Variants in CERS6 observed in about 807,000 individuals in gnomAD.
The protein encoded by CERS6 is LAG1 homolog, ceramide synthase 6.
A neutral mutation model predicts 56.8 loss-of-function variants in CERS6; 26 were observed. The ratio of observed to expected loss-of-function variants is 0.46; its 90% CI spans 0.34 to 0.63. The LOEUF is 0.63. Ranked by LOEUF, CERS6 falls within the 30% of genes least tolerant of loss-of-function variation. The probability of loss-of-function intolerance (pLI) is 0.01; values close to 1 mark genes in which losing one functional copy is unlikely to be tolerated. For missense variants in CERS6, 415 were observed against 467.5 expected, an observed-to-expected ratio of 0.89 and a Z score of 1.04; for synonymous variants, 164 against 173.3, an observed-to-expected ratio of 0.95 and a Z score of 0.42.
chr2:168,492,068 C>T (rs1013911439), intron 1 of CERS6, among the ~76,000 whole-genome samples: 7 of 152,046 alleles, frequency 4.6e-5, no homozygotes, highest in South Asian at 2.1e-4. Context: ...TGAACAGTGC[C>T]GCAGTAAACA....
intron 4 of CERS6, among the ~76,000 whole-genome samples, chr2:168,656,714 C>T (rs927892920): frequency 6.6e-6 from 1 of 152,112 alleles, no homozygotes; most frequent in African/African-American, 2.4e-5. Context: ...AGCGAAAGAA[C>T]AAAGCTTCCA....
At chr2:168,527,750 T>C (rs1323226089) in intron 1 of CERS6, among the ~76,000 whole-genome samples, 1 of 152,134 alleles carries the variant, frequency 6.6e-6, no homozygotes, top group Non-Finnish European at 1.5e-5. Flanking sequence ...ATTTAGAGTT[T>C]GGCGCTATTG....
intron 1 of CERS6, among the ~76,000 whole-genome samples, chr2:168,484,170 T>G (rs1483543610): frequency 7.0e-4 from 33 of 47,460 alleles, no homozygotes; most frequent in Non-Finnish European, 8.4e-4. Flanking sequence ...TTTTTCTGTT[T>G]TTTTTTTTTT....
At position 168,715,121 on chromosome 2, in the gene CERS6, C is replaced by T. The variant is rs780260977; in HGVS notation, c.730C>T (p.Leu244Phe). 2 of 1,605,896 alleles carry T rather than the reference C, an allele frequency of 1.2e-6. No individual in the cohort carries two copies. The highest frequency in any genetic ancestry group is 2.2e-5 in the East Asian group (1 of 44,772). Residue 244 changes from leucine (L) to phenylalanine (F), a missense_variant, in exon 7 of 10, where the codon CTT (leucine) becomes TTT (phenylalanine). Coordinates refer to ENST00000305747, the MANE Select transcript of CERS6 (RefSeq NM_203463.3). ...VLCLHDSADA[L>F]LEAAKMANYA... Reference sequence around the variant, plus strand: ...TTGTCTTCATGATTCAGCTGATGCTCTTCTGGAGGTAAAAGTTTTCTTTCA... The same window carrying T: ...TTGTCTTCATGATTCAGCTGATGCTTTTCTGGAGGTAAAAGTTTTCTTTCA...
In CERS6 at chr2:168,715,027, C is replaced by T. The variant is rs1409392806; in HGVS notation, c.636C>T (p.His212=). The change falls in exon 7 of 10, where the codon CAC becomes CAT. Residue 212 remains histidine (H), a synonymous_variant. Coordinates refer to ENST00000305747, the MANE Select transcript of CERS6 (RefSeq NM_203463.3). ...RKDFGIMFLH[H]LVSIFLITFS... is the part of the protein sequence containing the mutation. ...ACTTTGGCATTATGTTCCTGCACCA[C>T]CTTGTATCTATTTTCTTGATTACCT... is the stretch of plus-strand genomic sequence containing the variant. The T allele has an allele frequency of 6.2e-7, 1 of 1,609,890 alleles. No individual in the cohort carries two copies. Among genetic ancestry groups the T allele is most frequent in the East Asian group, 2.2e-5 (1 of 44,600 alleles).
chr2:168,474,846 A>G lies in CERS6; in HGVS notation c.170+18228A>G, dbSNP rs1252469506. Among the ~76,000 whole-genome samples the G allele has an allele frequency of 2.6e-5, 4 of 152,208 alleles. No homozygotes were observed. The South Asian group carries it at 8.3e-4, about 31-fold the overall frequency. On this transcript the variant is annotated intron_variant, in intron 1 of 9. Transcript: ENST00000305747. ...ATTCCTTTACAACAAATAAAAGTCA[A>G]CCATAAGTTACCTTGAACAAGAAAT...
chr2:168,460,986 G>T (rs1337765587), intron 1 of CERS6, among the ~76,000 whole-genome samples: 1 of 152,152 alleles, frequency 6.6e-6, no homozygotes, highest in East Asian at 1.9e-4. Flanking sequence ...GAGAGCGAGA[G>T]AGAGAGAGAG....
chr2:168,463,485 A>G (rs1693812902), intron 1 of CERS6, among the ~76,000 whole-genome samples: 3 of 152,222 alleles, frequency 2.0e-5, no homozygotes, highest in Non-Finnish European at 2.9e-5. Flanking sequence ...TGTTTCCTAG[A>G]GGTGGCATTT....
intron 8 of CERS6, among the ~76,000 whole-genome samples, chr2:168,751,059 G>A (rs186973698): frequency 6.6e-6 from 1 of 152,184 alleles, no homozygotes; most frequent in Non-Finnish European, 1.5e-5. Flanking sequence ...ACATAGCTGT[G>A]GTCACTGAGC....
intron 1 of CERS6, among the ~76,000 whole-genome samples, chr2:168,497,138 G>T (rs1694486987): frequency 6.6e-6 from 1 of 152,180 alleles, no homozygotes; most frequent in Admixed American, 6.6e-5. Context: ...ACTCTGAAAG[G>T]AGTAGAATAC....
At chr2:168,727,721 T>G (rs942346137) in intron 8 of CERS6, among the ~76,000 whole-genome samples, 1 of 152,178 alleles carries the variant, frequency 6.6e-6, no homozygotes, top group Non-Finnish European at 1.5e-5. Flanking sequence ...GAATTGTTGA[T>G]AAGGAACAGA....
chr2:168,473,993 A>G (rs532968526), intron 1 of CERS6, among the ~76,000 whole-genome samples: 2 of 152,330 alleles, frequency 1.3e-5, no homozygotes, highest in Admixed American at 1.3e-4. Flanking sequence ...AGGAGTTGAA[A>G]GCTGCAGTGA....
intron 1 of CERS6, among the ~76,000 whole-genome samples, chr2:168,535,758 A>G (rs567198758): frequency 2.2e-5 from 2 of 91,882 alleles, no homozygotes; most frequent in East Asian, 6.9e-4. Context: ...CTACCTTTTT[A>G]TATCTCGTGT....
chr2:168,495,836 A>G (rs1226117951), intron 1 of CERS6, among the ~76,000 whole-genome samples: 1 of 152,102 alleles, frequency 6.6e-6, no homozygotes, highest in Non-Finnish European at 1.5e-5. Flanking sequence ...TTGTGCACCT[A>G]TCTGGTACAG....
intron 2 of CERS6, among the ~76,000 whole-genome samples, chr2:168,556,402 C>G (rs1048311506): frequency 6.6e-6 from 1 of 152,070 alleles, no homozygotes; most frequent in South Asian, 2.1e-4. Flanking sequence ...ATGCTGAAAC[C>G]TGACATCTTT....
intron 8 of CERS6, among the ~76,000 whole-genome samples, chr2:168,742,410 A>G (rs1204269355): frequency 6.6e-6 from 1 of 152,178 alleles, no homozygotes; most frequent in African/African-American, 2.4e-5. Flanking sequence ...TATGCTTGTC[A>G]ATTGGTATGG....
chr2:168,548,977 T>C (rs1695516412), intron 2 of CERS6, among the ~76,000 whole-genome samples: 2 of 152,064 alleles, frequency 1.3e-5, no homozygotes, highest in Non-Finnish European at 2.9e-5. Flanking sequence ...AAGAAAAAAA[T>C]GTAAAGAAAA....
At chr2:168,710,746 A>T (rs1316970872) in intron 6 of CERS6, among the ~76,000 whole-genome samples, 1 of 152,244 alleles carries the variant, frequency 6.6e-6, no homozygotes, top group Non-Finnish European at 1.5e-5. Context: ...CTAACTGCAA[A>T]GACATCAGAA....
At chr2:168,464,457 G>C (rs1693834927) in intron 1 of CERS6, among the ~76,000 whole-genome samples, 1 of 151,976 alleles carries the variant, frequency 6.6e-6, no homozygotes, top group South Asian at 2.1e-4. Flanking sequence ...CACCGCACCT[G>C]GCCTTATACT....
Sources: gnomAD v4.1 joint callset for allele counts (sites outside exome capture counted in the v4.1 genomes callset) on GRCh38, gnomAD v4.1.1 for gene constraint, MANE v1.5 for transcripts, NCBI Gene and HGNC (gene_info 2026-07-23, HGNC 2026-07-21) for gene names.